The following RABGAP1L variants were observed in gnomAD, a reference collection of about 807,000 sequenced individuals.
The protein encoded by RABGAP1L is rab GTPase-activating protein 1-like.
In RABGAP1L, 63 loss-of-function variants were observed where a neutral mutation model predicts 137.7. The observed-to-expected ratio is 0.46, with a 90% CI of 0.37 to 0.56. The LOEUF is 0.56. Ranked by LOEUF, RABGAP1L falls within the 20% of genes least tolerant of loss-of-function variation. The probability of loss-of-function intolerance (pLI) is 0.00; values close to 1 mark genes in which losing one functional copy is unlikely to be tolerated. For synonymous variants in RABGAP1L, 431 were observed against 433.7 expected, an observed-to-expected ratio of 0.99 and a Z score of 0.08; for missense variants, 1,095 against 1,244.0, an observed-to-expected ratio of 0.88 and a Z score of 1.80.
intron 13 of RABGAP1L, among the ~76,000 whole-genome samples, chr1:174,453,458 ATACAAT>A (rs1433468911): frequency 6.6e-6 from 1 of 152,232 alleles, no homozygotes; most frequent in Non-Finnish European, 1.5e-5. Context: ...TGTGAAAAAG[ATACAAT>A]TACATAATAA....
intron 13 of RABGAP1L, among the ~76,000 whole-genome samples, chr1:174,565,911 G>T (rs1280464669): frequency 7.0e-6 from 1 of 142,588 alleles, no homozygotes. Context: ...TTTGAGACAG[G>T]TTCTGGTTCT....
At chr1:174,512,996 A>C (rs1662492072) in intron 13 of RABGAP1L, among the ~76,000 whole-genome samples, 1 of 152,168 alleles carries the variant, frequency 6.6e-6, no homozygotes, top group Admixed American at 6.5e-5. Context: ...CCTCTCTGGT[A>C]ACTGCAGTTC....
rs567761872 is a variant in RABGAP1L, at chr1:174,609,493, A to G, written c.1711-27882A>G. Among the ~76,000 whole-genome samples, 4 of 152,284 alleles carry G rather than the reference A, an allele frequency of 2.6e-5. 1 individual carries two copies. Among genetic ancestry groups the G allele is most frequent in the East Asian group, 1.9e-4 (1 of 5,192 alleles). On this transcript the variant is annotated intron_variant, in intron 13 of 25. Coordinates refer to ENST00000681986, the MANE Select transcript of RABGAP1L (RefSeq NM_001366446.1). ...ATTAAAGGGGTAGAAGGGAATTTCA[A>G]ACGAGAGGAGGACTGTAACCATAAA...
chr1:174,880,087 AAC>A (rs1653919237), intron 19 of RABGAP1L, among the ~76,000 whole-genome samples: 1 of 152,120 alleles, frequency 6.6e-6, no homozygotes, highest in East Asian at 1.9e-4. Context: ...AGGAAAAAAA[AAC>A]ACCATAATAT....
At chr1:174,333,018 A>G (rs1271467835) in intron 11 of RABGAP1L, among the ~76,000 whole-genome samples, 1 of 152,220 alleles carries the variant, frequency 6.6e-6, no homozygotes, top group Non-Finnish European at 1.5e-5. Context: ...ATTTGGGACA[A>G]TATGGATGAG....
chr1:174,575,523 A>G (rs1474836735), intron 13 of RABGAP1L, among the ~76,000 whole-genome samples: 3 of 152,184 alleles, frequency 2.0e-5, no homozygotes, highest in African/African-American at 4.8e-5. Context: ...AAGGTCTTGT[A>G]TATAAATTTT....
chr1:174,890,926 A>G (rs547281615), intron 19 of RABGAP1L, among the ~76,000 whole-genome samples: 2 of 152,326 alleles, frequency 1.3e-5, no homozygotes, highest in Non-Finnish European at 2.9e-5. Flanking sequence ...TGCTCCTACA[A>G]TACTGCAGTG....
At chr1:174,406,935 G>A (rs571817927) in intron 13 of RABGAP1L, among the ~76,000 whole-genome samples, 7 of 152,218 alleles carry the variant, frequency 4.6e-5, no homozygotes, top group African/African-American at 1.7e-4. Context: ...AAGAGCCTGG[G>A]ATTACACTCC....
intron 19 of RABGAP1L, among the ~76,000 whole-genome samples, chr1:174,821,664 C>G (rs1446206361): frequency 3.9e-5 from 6 of 152,176 alleles, no homozygotes; most frequent in Non-Finnish European, 5.9e-5. Flanking sequence ...TTTCTTCATG[C>G]TGTTTGCTAT....
chr1:174,760,181 A>AT lies in RABGAP1L; in HGVS notation c.2211+7840dup, dbSNP rs796562130. ...ACTGCCAGTAGTCTTTTTAAAGCAG[A>AT]TTTTTTTTTTTTTACTTTGAATTTC... On this transcript the variant is annotated intron_variant, in intron 18 of 25. Coordinates refer to ENST00000681986, the MANE Select transcript of RABGAP1L (RefSeq NM_001366446.1). Among the ~76,000 whole-genome samples the AT allele has an allele frequency of 3.9e-3, 570 of 145,542 alleles. 5 individuals carry two copies. The highest frequency in any genetic ancestry group is 6.1e-3 in the South Asian group (28 of 4,568).
chr1:174,629,283 C>A (rs371556610), intron 13 of RABGAP1L, among the ~76,000 whole-genome samples: 1 of 152,282 alleles, frequency 6.6e-6, no homozygotes, highest in South Asian at 2.1e-4. Context: ...CAATTATTTT[C>A]TTTTGATTTT....
At chr1:174,420,877 G>A (rs562944549) in intron 13 of RABGAP1L, among the ~76,000 whole-genome samples, 113 of 151,894 alleles carry the variant, frequency 7.4e-4, no homozygotes, top group Non-Finnish European at 1.2e-3. Flanking sequence ...GGGTTTCACC[G>A]TGTTCGCCAG....
chr1:174,298,251 C>T (rs901556181), intron 10 of RABGAP1L, among the ~76,000 whole-genome samples: 15 of 151,392 alleles, frequency 9.9e-5, no homozygotes, highest in South Asian at 8.4e-4. Context: ...CTTGCATCCC[C>T]GAGTTCTGGT....
chr1:174,888,656 C>T (rs1655585608), intron 19 of RABGAP1L, among the ~76,000 whole-genome samples: 1 of 152,050 alleles, frequency 6.6e-6, no homozygotes. Context: ...CCACCACGCC[C>T]AGCTAATTTT....
chr1:174,738,106 T>C (rs1450992971), intron 17 of RABGAP1L, among the ~76,000 whole-genome samples: 1 of 152,176 alleles, frequency 6.6e-6, no homozygotes, highest in Non-Finnish European at 1.5e-5. Context: ...TACATCTCTT[T>C]AATGGGATTG....
intron 14 of RABGAP1L, among the ~76,000 whole-genome samples, chr1:174,662,384 G>T (rs1285650377): frequency 6.8e-6 from 1 of 146,180 alleles, no homozygotes; most frequent in African/African-American, 2.5e-5. Context: ...GATTACAGGC[G>T]TGAGCCACCG....
At chr1:174,190,589 A>G (rs930394972) in intron 1 of RABGAP1L, among the ~76,000 whole-genome samples, 1 of 152,202 alleles carries the variant, frequency 6.6e-6, no homozygotes, top group Non-Finnish European at 1.5e-5. Flanking sequence ...GCTTAAGACA[A>G]TGGTTGGTTG....
intron 19 of RABGAP1L, among the ~76,000 whole-genome samples, chr1:174,842,242 A>G (rs986668975): frequency 3.3e-5 from 5 of 152,166 alleles, no homozygotes; most frequent in Admixed American, 2.0e-4. Flanking sequence ...AGCATCTTCT[A>G]TATCATTTCC....
At chr1:174,867,986 G>T (rs555745216) in intron 19 of RABGAP1L, among the ~76,000 whole-genome samples, 17 of 149,546 alleles carry the variant, frequency 1.1e-4, no homozygotes, top group East Asian at 7.8e-4. Flanking sequence ...TTTTTTTTTT[G>T]ATGGAGTCTT....
Sources: allele counts gnomAD v4.1 joint callset (sites outside exome capture counted in the v4.1 genomes callset), GRCh38; gene constraint gnomAD v4.1.1; transcripts MANE v1.5; gene names NCBI Gene and HGNC (gene_info 2026-07-23, HGNC 2026-07-21).